The following CDK19 variants were observed in gnomAD, a reference collection of about 807,000 sequenced individuals.
CDK19 encodes the protein cyclin dependent kinase 19.
CDK19 carries 20 observed loss-of-function variants against 68.3 expected under a neutral mutation model. That is an observed-to-expected ratio of 0.29 (90% CI 0.21 to 0.43). The LOEUF is 0.43. Ranked by LOEUF, CDK19 falls within the 20% of genes least tolerant of loss-of-function variation. The pLI is 1.00. For missense variants in CDK19, 339 were observed against 623.5 expected (o/e 0.54, Z 4.86); for synonymous variants, 221 against 222.8 (o/e 0.99, Z 0.07).
chr6:110,670,092 G>A (rs1161397278), intron 3 of CDK19, among the ~76,000 whole-genome samples: 1 of 152,026 alleles, frequency 6.6e-6, no homozygotes, highest in Non-Finnish European at 1.5e-5. Context: ...GGGAGGCAGA[G>A]GTTGCAGTGA....
chr6:110,719,887 T>G (rs1003043452), intron 2 of CDK19, among the ~76,000 whole-genome samples: 3 of 151,620 alleles, frequency 2.0e-5, no homozygotes, highest in African/African-American at 7.3e-5. Flanking sequence ...TGCGCCACCA[T>G]GTCCAGCTAA....
intron 2 of CDK19, among the ~76,000 whole-genome samples, chr6:110,742,660 G>A (rs1005958448): frequency 6.6e-6 from 1 of 152,108 alleles, no homozygotes; most frequent in East Asian, 1.9e-4. Flanking sequence ...GGCCACTCTG[G>A]GAGTGTCTGT....
intron 2 of CDK19, among the ~76,000 whole-genome samples, chr6:110,704,962 T>C (rs1289834108): frequency 1.3e-5 from 2 of 151,866 alleles, no homozygotes; most frequent in South Asian, 4.2e-4. Context: ...TGACCCAGGA[T>C]GGTACAAGCA....
At chr6:110,673,834 A>G (rs1197105593) in intron 2 of CDK19, among the ~76,000 whole-genome samples, 1 of 152,146 alleles carries the variant, frequency 6.6e-6, no homozygotes, top group African/African-American at 2.4e-5. Flanking sequence ...GCCTTAAGCA[A>G]TCCTCCCACT....
At chr6:110,678,620 C>A (rs1582843737) in intron 2 of CDK19, among the ~76,000 whole-genome samples, 1 of 152,138 alleles carries the variant, frequency 6.6e-6, no homozygotes, top group African/African-American at 2.4e-5. Context: ...TTCAAACATA[C>A]CATAACTCTA....
intron 4 of CDK19, among the ~76,000 whole-genome samples, chr6:110,644,676 T>C (rs756141296): frequency 1.3e-5 from 2 of 152,030 alleles, no homozygotes; most frequent in Non-Finnish European, 2.9e-5. Flanking sequence ...GGCTGGAACC[T>C]CGGCACACTT....
intron 1 of CDK19, among the ~76,000 whole-genome samples, chr6:110,792,117 CGT>C (rs1781639285): frequency 2.0e-5 from 3 of 151,622 alleles, no homozygotes. Flanking sequence ...ACTATAGGCA[CGT>C]GCCACTATGT....
At chr6:110,721,368 C>A (rs1013307098) in intron 2 of CDK19, among the ~76,000 whole-genome samples, 6 of 151,986 alleles carry the variant, frequency 3.9e-5, no homozygotes, top group African/African-American at 7.3e-5. Context: ...TCCCCTGCAC[C>A]CAACCACAAA....
intron 1 of CDK19, among the ~76,000 whole-genome samples, chr6:110,805,108 ACT>A (rs1782591842): frequency 6.6e-6 from 1 of 152,044 alleles, no homozygotes; most frequent in Admixed American, 6.6e-5. Flanking sequence ...CTCTCGTGAG[ACT>A]CTCTTTTATC....
At chr6:110,629,766 T>C (rs1349659242) in intron 6 of CDK19, among the ~76,000 whole-genome samples, 1 of 152,164 alleles carries the variant, frequency 6.6e-6, no homozygotes, top group Non-Finnish European at 1.5e-5. Context: ...AGATAACTGA[T>C]TTGGGGATTA....
chr6:110,745,060 G>A (rs143452311), intron 2 of CDK19, among the ~76,000 whole-genome samples: 1 of 152,124 alleles, frequency 6.6e-6, no homozygotes, highest in Non-Finnish European at 1.5e-5. Context: ...ACAATTTAGA[G>A]ACAAACATCT....
At chr6:110,639,554 A>AT (rs1242791376) in intron 4 of CDK19, among the ~76,000 whole-genome samples, 1 of 152,238 alleles carries the variant, frequency 6.6e-6, no homozygotes, top group Non-Finnish European at 1.5e-5. Flanking sequence ...CGCTTACTAC[A>AT]TAAGTAGAAA....
intron 2 of CDK19, among the ~76,000 whole-genome samples, chr6:110,741,485 A>T (rs186607193): frequency 0.022 from 3,218 of 146,606 alleles, 88 homozygotes; most frequent in African/African-American, 0.076. Flanking sequence ...AAAATAAATT[A>T]AAAAAAAAAA....
intron 1 of CDK19, among the ~76,000 whole-genome samples, chr6:110,778,654 G>A (rs1438889089): frequency 6.6e-6 from 1 of 152,020 alleles, no homozygotes; most frequent in Admixed American, 6.6e-5. Context: ...AACACTACTG[G>A]CTGCCTAGCA....
At chr6:110,804,923 T>A (rs1782577063) in intron 1 of CDK19, among the ~76,000 whole-genome samples, 1 of 151,304 alleles carries the variant, frequency 6.6e-6, no homozygotes. Context: ...GCCACTGCAC[T>A]CCAACCTGGG....
chr6:110,638,795 C>G lies in CDK19; in HGVS notation c.457-89G>C, dbSNP rs911841650. On this transcript the variant is annotated intron_variant, in intron 4 of 12. Coordinates refer to ENST00000368911, the MANE Select transcript of CDK19 (RefSeq NM_015076.5). ...GAAAAGTTCTTATCATATAAAAAAT[C>G]ATTTCTGTATTTTCATCAAAAGTAA... is the stretch of plus-strand genomic sequence containing the variant. 3.3e-5 allele frequency: 25 copies of G among 751,402 alleles called. No homozygotes were observed. In the African/African-American group the frequency reaches 4.5e-4, roughly 13 times the overall value. 46.5% of individuals were successfully genotyped at this position (751,402 alleles called of 1,614,324 possible).
At chr6:110,805,943 C>T (rs981072665) in intron 1 of CDK19, among the ~76,000 whole-genome samples, 2 of 150,836 alleles carry the variant, frequency 1.3e-5, no homozygotes, top group South Asian at 4.2e-4. Context: ...CAAGATCGTG[C>T]CACTGCACCC....
chr6:110,668,064 T>C (rs183566239), intron 3 of CDK19, among the ~76,000 whole-genome samples: 1 of 152,224 alleles, frequency 6.6e-6, no homozygotes, highest in East Asian at 1.9e-4. Flanking sequence ...ATGTTAAATA[T>C]GAAATTGCTA....
chr6:110,712,008 T>C (rs886176963), intron 2 of CDK19, among the ~76,000 whole-genome samples: 1 of 152,176 alleles, frequency 6.6e-6, no homozygotes, highest in Non-Finnish European at 1.5e-5. Flanking sequence ...GAACTTCAGG[T>C]AGTTTTTGGT....
Sources: allele counts gnomAD v4.1 joint callset (sites outside exome capture counted in the v4.1 genomes callset), GRCh38; gene constraint gnomAD v4.1.1; transcripts MANE v1.5; gene names NCBI Gene and HGNC (gene_info 2026-07-23, HGNC 2026-07-21).